The following DPYD variants were observed in gnomAD, a reference collection of about 807,000 sequenced individuals.
DPYD encodes the protein dihydropyrimidine dehydrogenase.
A neutral mutation model predicts 116.2 loss-of-function variants in DPYD; 109 were observed. That is an observed-to-expected ratio of 0.94 (90% CI 0.80 to 1.10). DPYD has a LOEUF of 1.10. DPYD is among the 50% of genes least tolerant of loss of function. The pLI, the probability that DPYD is intolerant of heterozygous loss-of-function variation, is 0.00. For missense variants in DPYD, 1,302 were observed against 1,254.5 expected (o/e 1.04, Z -0.57); for synonymous variants, 440 against 432.0 (o/e 1.02, Z -0.23).
At chr1:97,140,703 G>C (rs1654153519) in intron 20 of DPYD, among the ~76,000 whole-genome samples, 1 of 152,118 alleles carries the variant, frequency 6.6e-6, no homozygotes, top group African/African-American at 2.4e-5. Flanking sequence ...TGATGCTATA[G>C]GGCCTAGTGC....
At chr1:97,227,863 T>C (rs568430415) in intron 19 of DPYD, among the ~76,000 whole-genome samples, 2 of 152,082 alleles carry the variant, frequency 1.3e-5, no homozygotes, top group Non-Finnish European at 2.9e-5. Context: ...AAAAATAAAC[T>C]GTGAGGTGAT....
chr1:97,720,800 AT>A, intron 5 of DPYD: 1 of 1,555,458 alleles, frequency 6.4e-7, no homozygotes, highest in Non-Finnish European at 8.7e-7. Context: ...TAAGCTGATC[AT>A]TTAAATGATA....
chr1:97,796,886 G>A lies in DPYD; in HGVS notation c.233+31228C>T, dbSNP rs933617318. 5.9e-5 allele frequency: 9 copies of A among 152,196 alleles called. No individual in the cohort carries two copies. The East Asian group carries it at 7.7e-4, about 13-fold the overall frequency. The allele number at this position is 152,196 out of a possible 1,614,324, so 9.4% of individuals were successfully genotyped here. On this transcript the variant is annotated intron_variant, in intron 3 of 22. Coordinates refer to ENST00000370192, the MANE Select transcript of DPYD (RefSeq NM_000110.4). ...GCTGTTCCCTTGGTAACAGTATTAT[G>A]CTACCATAGAGAAGGAATGTTTGGC...
At position 97,127,995 on chromosome 1, in the gene DPYD, C is replaced by T. The variant is rs565296818; in HGVS notation, c.2623-29363G>A. On this transcript the variant is annotated intron_variant, in intron 20 of 22. Transcript: ENST00000370192. ...CGGCACTCAATAAATTTGTTGAGTG[C>T]TTAATAAATGTGTGAATGAATAAGT... Among the ~76,000 whole-genome samples, 6 of 152,228 alleles carry T rather than the reference C, an allele frequency of 3.9e-5. No individual in the cohort carries two copies. The South Asian group carries it at 1.0e-3, about 26-fold the overall frequency.
At chr1:97,213,869 G>A (rs1030007444) in intron 19 of DPYD, among the ~76,000 whole-genome samples, 3 of 152,146 alleles carry the variant, frequency 2.0e-5, no homozygotes, top group African/African-American at 4.8e-5. Flanking sequence ...AATAAATGGA[G>A]AAACGGCAAA....
intron 20 of DPYD, among the ~76,000 whole-genome samples, chr1:97,098,897 C>A (rs763304789): frequency 3.3e-5 from 5 of 152,136 alleles, no homozygotes; most frequent in Admixed American, 1.3e-4. Flanking sequence ...AAATACATTT[C>A]TAAATGGAAG....
At chr1:97,541,501 G>A (rs947738467) in intron 12 of DPYD, among the ~76,000 whole-genome samples, 9 of 152,070 alleles carry the variant, frequency 5.9e-5, no homozygotes, top group African/African-American at 2.2e-4. Flanking sequence ...GTTATAGATA[G>A]ATTTAGGCAA....
intron 14 of DPYD, among the ~76,000 whole-genome samples, chr1:97,439,731 T>A (rs112419833): frequency 0.02 from 3,003 of 152,206 alleles, 35 homozygotes; most frequent in South Asian, 0.04. Context: ...CACTCTGATC[T>A]TTATTATATC....
chr1:97,664,266 T>G (rs1447583094), intron 8 of DPYD, among the ~76,000 whole-genome samples: 3 of 152,024 alleles, frequency 2.0e-5, no homozygotes, highest in African/African-American at 7.2e-5. Flanking sequence ...ATATTAGATT[T>G]TTCAAATAGG....
chr1:97,667,486 G>C (rs372300859), intron 8 of DPYD, among the ~76,000 whole-genome samples: 1 of 152,038 alleles, frequency 6.6e-6, no homozygotes, highest in South Asian at 2.1e-4. Flanking sequence ...GGCTGCAAAT[G>C]AAAAGCAAAT....
intron 2 of DPYD, among the ~76,000 whole-genome samples, chr1:97,838,512 G>C (rs1011180301): frequency 6.6e-6 from 1 of 152,180 alleles, no homozygotes. Context: ...CTTTCCAATT[G>C]TGTGTTTCCT....
chr1:97,416,371 A>T (rs1557697400), intron 14 of DPYD, among the ~76,000 whole-genome samples: 3 of 152,214 alleles, frequency 2.0e-5, no homozygotes, highest in Admixed American at 6.5e-5. Flanking sequence ...AAATGTATCC[A>T]GTGACTGTGT....
intron 20 of DPYD, among the ~76,000 whole-genome samples, chr1:97,166,473 A>G (rs1467707825): frequency 3.3e-5 from 5 of 152,154 alleles, no homozygotes; most frequent in East Asian, 3.9e-4. Context: ...TACTAGGACT[A>G]GTACCTGTGT....
At chr1:97,871,824 C>G (rs1671673846) in intron 2 of DPYD, among the ~76,000 whole-genome samples, 1 of 151,774 alleles carries the variant, frequency 6.6e-6, no homozygotes, top group African/African-American at 2.4e-5. Flanking sequence ...TATCCACTAT[C>G]ATGATGTGCT....
intron 19 of DPYD, among the ~76,000 whole-genome samples, chr1:97,224,999 G>GTCTATCTA (rs1553236797): frequency 4.9e-5 from 7 of 142,246 alleles, no homozygotes; most frequent in South Asian, 2.3e-4. Context: ...CTATCTGTCT[G>GTCTATCTA]TCTGTCTATC....
intron 19 of DPYD, among the ~76,000 whole-genome samples, chr1:97,230,224 G>A (rs1429249030): frequency 6.6e-6 from 1 of 152,104 alleles, no homozygotes; most frequent in Non-Finnish European, 1.5e-5. Context: ...CAAAGACATG[G>A]AATCAACCTA....
intron 8 of DPYD, among the ~76,000 whole-genome samples, chr1:97,657,852 A>C (rs143186368): frequency 0.011 from 1,624 of 152,294 alleles, 30 homozygotes; most frequent in African/African-American, 0.037. Flanking sequence ...CTCAGAGACC[A>C]TGCACTAGAA....
At chr1:97,158,246 A>T (rs1449256768) in intron 20 of DPYD, among the ~76,000 whole-genome samples, 1 of 152,064 alleles carries the variant, frequency 6.6e-6, no homozygotes, top group Non-Finnish European at 1.5e-5. Flanking sequence ...CATTACTCTG[A>T]TTTAGCGATG....
intron 12 of DPYD, among the ~76,000 whole-genome samples, chr1:97,520,237 A>C (rs1362463660): frequency 2.0e-5 from 3 of 152,178 alleles, no homozygotes; most frequent in Non-Finnish European, 4.4e-5. Context: ...AAAAAAATAC[A>C]AATAAATCTA....
Sources: allele counts gnomAD v4.1 joint callset (sites outside exome capture counted in the v4.1 genomes callset), GRCh38; gene constraint gnomAD v4.1.1; transcripts MANE v1.5; gene names NCBI Gene and HGNC (gene_info 2026-07-23, HGNC 2026-07-21).